ZFAT: variants seen among roughly 807,000 people sequenced by gnomAD.
The protein encoded by ZFAT is zinc finger protein ZFAT.
Under a neutral mutation model 117.7 loss-of-function variants are expected in ZFAT, and 64 were observed. The observed-to-expected ratio is 0.54, with a 90% CI of 0.44 to 0.67. The LOEUF is 0.67. Among genes scored for constraint, ZFAT ranks in the 30% least tolerant of loss-of-function variants. The pLI is 0.00. For synonymous variants in ZFAT, 679 were observed against 615.0 expected (o/e 1.10, Z -1.54); for missense variants, 1,433 against 1,584.5 (o/e 0.90, Z 1.62).
chr8:134,793,859 A>C, the ZFAT span: 1 of 152,240 alleles, frequency 6.6e-6, no homozygotes, highest in African/African-American at 2.4e-5. Context: ...AACTCATTCT[A>C]CTAAATACTG....
At chr8:134,715,587 A>G (rs1475972335), upstream of ZFAT, among the ~76,000 whole-genome samples, 2 of 152,256 alleles carry the variant, frequency 1.3e-5, no homozygotes, top group African/African-American at 2.4e-5. Context: ...GTAATATTTC[A>G]GAATGCCTTC....
intron 10 of ZFAT, among the ~76,000 whole-genome samples, chr8:134,572,470 A>G (rs573315776): frequency 3.3e-5 from 5 of 152,330 alleles, no homozygotes; most frequent in East Asian, 3.9e-4. Context: ...AATGATACCA[A>G]TGGCTTCTGA....
upstream of ZFAT, among the ~76,000 whole-genome samples, chr8:134,714,603 C>T (rs1814176284): frequency 6.6e-6 from 1 of 152,134 alleles, no homozygotes; most frequent in Non-Finnish European, 1.5e-5. Context: ...TAAAGTTGTC[C>T]AGTCTGTTAA....
At chr8:134,540,048 C>T (rs1215189580) in intron 11 of ZFAT, among the ~76,000 whole-genome samples, 3 of 152,196 alleles carry the variant, frequency 2.0e-5, no homozygotes, top group Non-Finnish European at 2.9e-5. Flanking sequence ...CATAAAACCC[C>T]ATAGGTCTCA....
chr8:134,643,244 T>C (rs1023696399), intron 2 of ZFAT, among the ~76,000 whole-genome samples: 3 of 152,222 alleles, frequency 2.0e-5, no homozygotes, highest in African/African-American at 7.2e-5. Flanking sequence ...GAATCAGGAA[T>C]TGAATACAGA....
intron 10 of ZFAT, among the ~76,000 whole-genome samples, chr8:134,576,792 C>G (rs1159678080): frequency 6.6e-6 from 1 of 152,174 alleles, no homozygotes. Flanking sequence ...CCACTCAAAC[C>G]TAATTTCCAT....
the ZFAT span, among the ~76,000 whole-genome samples, chr8:134,721,649 T>C: frequency 6.6e-6 from 1 of 152,230 alleles, no homozygotes; most frequent in East Asian, 1.9e-4. Context: ...CTGGACTCCT[T>C]TCCATCCTTC....
chr8:134,674,248 G>A (rs936041726), intron 1 of ZFAT, among the ~76,000 whole-genome samples: 14 of 152,168 alleles, frequency 9.2e-5, no homozygotes, highest in African/African-American at 2.2e-4. Flanking sequence ...CAGGTACTGC[G>A]CTTTTCCTAT....
At chr8:134,682,461 C>T (rs1008553708) in intron 1 of ZFAT, among the ~76,000 whole-genome samples, 1 of 152,066 alleles carries the variant, frequency 6.6e-6, no homozygotes, top group African/African-American at 2.4e-5. Flanking sequence ...TTCGAGACCA[C>T]CTAAGGGACA....
chr8:134,775,536 T>TTC, the ZFAT span, among the ~76,000 whole-genome samples: 1 of 152,182 alleles, frequency 6.6e-6, no homozygotes, highest in South Asian at 2.1e-4. Flanking sequence ...GCCCTGAACT[T>TTC]TCGACTTTTG....
the ZFAT span, among the ~76,000 whole-genome samples, chr8:134,736,241 C>T: frequency 6.6e-6 from 1 of 152,148 alleles, no homozygotes; most frequent in Non-Finnish European, 1.5e-5. Flanking sequence ...CGACCACACC[C>T]CAGCAACCTA....
At chr8:134,728,202 G>A in the ZFAT span, among the ~76,000 whole-genome samples, 1 of 151,966 alleles carries the variant, frequency 6.6e-6, no homozygotes, top group South Asian at 2.1e-4. Context: ...CTTCACAACT[G>A]ACTGGTCTCG....
Position 134,478,593 on chromosome 8 carries a change from C to A in ZFAT, c.3621G>T (p.Thr1207=). The part of the protein sequence containing the change: ...VSSDDVEGIE[T]VTVYTQGGEA... Reference sequence around the variant, plus strand: ...CCCCGCCCTGCGTGTAGACAGTCACCGTCTCAATGCCCTCCACGTCGTCGG... The same window carrying A: ...CCCCGCCCTGCGTGTAGACAGTCACAGTCTCAATGCCCTCCACGTCGTCGG... Residue 1207 remains threonine (T), a synonymous_variant, in exon 16 of 16, where the codon ACG becomes ACT. Coordinates refer to ENST00000377838, the MANE Select transcript of ZFAT (RefSeq NM_020863.4). This position sits in a 1 kb window ranked among gnomAD's most constrained non-coding sequence, Gnocchi z 5.2. The A allele has an allele frequency of 1.3e-6, 2 of 1,593,044 alleles. No homozygotes were observed. The highest frequency in any genetic ancestry group is 1.1e-5 in the South Asian group (1 of 87,308).
intron 7 of ZFAT, among the ~76,000 whole-genome samples, chr8:134,595,606 T>G (rs572374507): frequency 1.3e-5 from 2 of 152,326 alleles, no homozygotes; most frequent in African/African-American, 4.8e-5. Context: ...TTATAAAGTT[T>G]GCACAATGCT....
chr8:134,574,546 G>A (rs1825167024), intron 10 of ZFAT, among the ~76,000 whole-genome samples: 1 of 151,768 alleles, frequency 6.6e-6, no homozygotes, highest in African/African-American at 2.4e-5. Flanking sequence ...GGAATGGTAG[G>A]AAAGAAAAAA....
At chr8:134,743,621 G>A in the ZFAT span, among the ~76,000 whole-genome samples, 1 of 152,158 alleles carries the variant, frequency 6.6e-6, no homozygotes, top group Non-Finnish European at 1.5e-5. Flanking sequence ...TCACTTTAGG[G>A]AACAGCTAAG....
At chr8:134,735,132 A>G in the ZFAT span, among the ~76,000 whole-genome samples, 5 of 152,140 alleles carry the variant, frequency 3.3e-5, no homozygotes, top group Non-Finnish European at 7.4e-5. Flanking sequence ...TTTTGTGTCA[A>G]TGTTGGAAAG....
At chr8:134,591,327 T>C (rs1352451341) in intron 7 of ZFAT, among the ~76,000 whole-genome samples, 1 of 152,202 alleles carries the variant, frequency 6.6e-6, no homozygotes, top group Admixed American at 6.5e-5. Flanking sequence ...CCCCTCGGTG[T>C]CCCACTGGGG....
chr8:134,779,503 A>G, the ZFAT span, among the ~76,000 whole-genome samples: 1 of 152,182 alleles, frequency 6.6e-6, no homozygotes, highest in East Asian at 1.9e-4. Flanking sequence ...TATACTTTTT[A>G]AATGTGTTAT....
Sources: allele counts gnomAD v4.1 joint callset (sites outside exome capture counted in the v4.1 genomes callset), GRCh38; gene constraint gnomAD v4.1.1; non-coding constraint Gnocchi (gnomAD v3.1); transcripts MANE v1.5; gene names NCBI Gene and HGNC (gene_info 2026-07-23, HGNC 2026-07-21).